MINDY4: variants seen among roughly 807,000 people sequenced by gnomAD.
MINDY4 encodes the protein probable ubiquitin carboxyl-terminal hydrolase MINDY-4.
Under a neutral mutation model 87.0 loss-of-function variants are expected in MINDY4, and 68 were observed. That is an observed-to-expected ratio of 0.78 (90% CI 0.64 to 0.96). MINDY4 has a LOEUF of 0.96. Among genes scored for constraint, MINDY4 ranks in the 40% least tolerant of loss-of-function variants. MINDY4 has a pLI of 0.00. For synonymous variants in MINDY4, 379 were observed against 363.2 expected (o/e 1.04, Z -0.50); for missense variants, 919 against 928.2 (o/e 0.99, Z 0.13).
intron 4 of MINDY4, among the ~76,000 whole-genome samples, chr7:30,789,888 A>G (rs974144932): frequency 6.6e-6 from 1 of 152,178 alleles, no homozygotes; most frequent in African/African-American, 2.4e-5. Flanking sequence ...ATATTTGGAT[A>G]TTTCAATTGA....
intron 4 of MINDY4, 42 bp downstream of exon 4, chr7:30,786,034 G>A (rs1787150357): frequency 6.2e-7 from 1 of 1,609,048 alleles, no homozygotes; most frequent in South Asian, 1.1e-5. Context: ...ACTGGAGGCT[G>A]AGAACTGGGC....
chr7:30,869,442 G>A (rs1247364657), intron 13 of MINDY4, among the ~76,000 whole-genome samples: 1 of 152,140 alleles, frequency 6.6e-6, no homozygotes, highest in African/African-American at 2.4e-5. Context: ...TTGGTTTCTA[G>A]GGCTGCCATA....
intron 1 of MINDY4, among the ~76,000 whole-genome samples, chr7:30,777,786 G>C (rs1249823284): frequency 6.6e-6 from 1 of 152,202 alleles, no homozygotes; most frequent in Non-Finnish European, 1.5e-5. Context: ...CAACTGCTGT[G>C]GTTGTTTTTC....
At chr7:30,870,314 C>T (rs1405064161) in intron 13 of MINDY4, among the ~76,000 whole-genome samples, 1 of 152,198 alleles carries the variant, frequency 6.6e-6, no homozygotes, top group East Asian at 1.9e-4. Context: ...CCCCTCAGGA[C>T]CCTTTTGAGG....
At chr7:30,867,120 G>C (rs1307456706) in intron 13 of MINDY4, among the ~76,000 whole-genome samples, 1 of 152,152 alleles carries the variant, frequency 6.6e-6, no homozygotes, top group African/African-American at 2.4e-5. Flanking sequence ...AATGGAAAGC[G>C]ATTTACCAAA....
Position 30,857,696 on chromosome 7 carries a change from G to T in MINDY4, c.1678-1561G>T, listed in dbSNP as rs1198998891. The T allele has an allele frequency of 6.0e-5, 4 of 67,020 alleles. 2 individuals carry two copies. Among genetic ancestry groups the T allele is most frequent in the Non-Finnish European group, 4.8e-5 (2 of 41,622 alleles). The allele number at this position is 67,020 out of a possible 1,614,324, so 4.2% of individuals were successfully genotyped here. A position where few individuals can be genotyped will look rare whatever the true frequency, so the allele number is the denominator to read the frequency against. The stretch of plus-strand genomic sequence containing the variant: ...GATCTCCTGACCTCGTGATCCGCCC[G>T]CCTCGGCCTCCCAAAGTGCTGGGAT... On this transcript the variant is annotated intron_variant, in intron 12 of 17. Transcript: ENST00000265299.
At chr7:30,787,118 G>A (rs1244797108) in intron 4 of MINDY4, among the ~76,000 whole-genome samples, 1 of 152,214 alleles carries the variant, frequency 6.6e-6, no homozygotes, top group East Asian at 1.9e-4. Flanking sequence ...TGGGGTCTTT[G>A]GTCAAGGTTT....
intron 5 of MINDY4, among the ~76,000 whole-genome samples, chr7:30,822,288 CCA>C (rs1788358322): frequency 6.6e-6 from 1 of 151,982 alleles, no homozygotes; most frequent in Non-Finnish European, 1.5e-5. Context: ...AGGGATCCTC[CCA>C]CAGTCCTGTA....
chr7:30,860,383 G>A (rs751588376), intron 13 of MINDY4, among the ~76,000 whole-genome samples: 13 of 152,112 alleles, frequency 8.5e-5, no homozygotes, highest in Non-Finnish European at 1.6e-4. Flanking sequence ...TATTAAATGC[G>A]TGTGAGTACA....
At chr7:30,875,700 C>G in intron 15 of MINDY4, 44 bp downstream of exon 15, 1 of 1,559,950 alleles carries the variant, frequency 6.4e-7, no homozygotes, top group Non-Finnish European at 8.7e-7. Flanking sequence ...GAGCCTGACT[C>G]TCTGGAGCAA....
chr7:30,828,486 T>C (rs1788588344), intron 5 of MINDY4, among the ~76,000 whole-genome samples, 193 bp from the exon 6 acceptor site: 1 of 152,086 alleles, frequency 6.6e-6, no homozygotes. Flanking sequence ...ACAAGCATCA[T>C]GGGGGCTATT....
Position 30,791,416 on chromosome 7 carries a change from G to A in MINDY4, c.915G>A (p.Arg305=). 6.2e-7 allele frequency: 1 copy of A among 1,614,120 alleles called. No homozygotes were observed. The change falls in exon 5 of 18, where the codon AGG becomes AGA. Residue 305 remains arginine, a synonymous_variant. Coordinates refer to ENST00000265299, the MANE Select transcript of MINDY4 (RefSeq NM_032222.3). ...SKRLPPWDRA[R]PRDPSEDTPA... ...GGCTGCCCCCATGGGACAGGGCCAG[G>A]CCGAGGGATCCCTCCGAGGACACCC... is the stretch of plus-strand genomic sequence containing the variant.
intron 5 of MINDY4, among the ~76,000 whole-genome samples, chr7:30,812,794 G>T (rs186597962): frequency 1.1e-4 from 16 of 152,210 alleles, no homozygotes; most frequent in Non-Finnish European, 2.2e-4. Context: ...AGCTGGGGCT[G>T]GAATCCTCAC....
chr7:30,887,994 C>T (rs970856664), intron 17 of MINDY4, among the ~76,000 whole-genome samples: 1 of 152,198 alleles, frequency 6.6e-6, no homozygotes, highest in East Asian at 1.9e-4. Context: ...TTAAAGCATA[C>T]AAGAGGCGTC....
At chr7:30,877,590 C>T (rs967677351) in intron 15 of MINDY4, among the ~76,000 whole-genome samples, 10 of 151,914 alleles carry the variant, frequency 6.6e-5, no homozygotes, top group South Asian at 4.2e-4. Context: ...ATGAGCTCAC[C>T]GAGGGCTGGG....
chr7:30,890,149 G>A (rs944494948), intron 17 of MINDY4, among the ~76,000 whole-genome samples: 3 of 152,252 alleles, frequency 2.0e-5, no homozygotes, highest in Non-Finnish European at 4.4e-5. Flanking sequence ...CCCAAACAGT[G>A]TAACATTCCT....
chr7:30,889,292 AG>A (rs1790724418), intron 17 of MINDY4, among the ~76,000 whole-genome samples: 1 of 152,230 alleles, frequency 6.6e-6, no homozygotes, highest in African/African-American at 2.4e-5. Context: ...CAGATTGCTA[AG>A]GTGCTTTTAA....
intron 9 of MINDY4, among the ~76,000 whole-genome samples, chr7:30,846,516 T>A (rs1789223509): frequency 1.3e-5 from 2 of 152,112 alleles, no homozygotes; most frequent in South Asian, 4.2e-4. Context: ...CTGGGAGGAG[T>A]CTGACTGATC....
intron 5 of MINDY4, among the ~76,000 whole-genome samples, chr7:30,801,296 T>C (rs565373133): frequency 1.2e-4 from 19 of 152,340 alleles, no homozygotes; most frequent in African/African-American, 4.3e-4. Context: ...TTATTTGGAC[T>C]TCACATCAGA....
Sources: gnomAD v4.1 joint callset for allele counts (sites outside exome capture counted in the v4.1 genomes callset) on GRCh38, gnomAD v4.1.1 for gene constraint, MANE v1.5 for transcripts, NCBI Gene and HGNC (gene_info 2026-07-23, HGNC 2026-07-21) for gene names.